ICE1: variants seen among roughly 807,000 people sequenced by gnomAD.
ICE1 encodes the protein interactor of little elongation complex ELL subunit 1.
In ICE1, 64 loss-of-function variants were observed where a neutral mutation model predicts 192.7. The ratio of observed to expected loss-of-function variants is 0.33; its 90% CI spans 0.27 to 0.41. The LOEUF (loss-of-function observed/expected upper bound fraction) is 0.41. Ranked by LOEUF, ICE1 falls within the 10% of genes least tolerant of loss-of-function variation. The pLI is 1.00. For missense variants in ICE1, 2,708 were observed against 2,696.0 expected, an observed-to-expected ratio of 1.00 and a Z score of -0.10; for synonymous variants, 1,010 against 984.5, an observed-to-expected ratio of 1.03 and a Z score of -0.49.
chr5:5,437,067 T>G lies in ICE1; in HGVS notation c.144-13T>G. The G allele has an allele frequency of 6.9e-7, 1 of 1,456,042 alleles. No homozygotes were observed. The highest frequency in any genetic ancestry group is 9.4e-7 in the Non-Finnish European group (1 of 1,060,050). The allele number at this position is 1,456,042 out of a possible 1,614,324, so 90.2% of individuals were successfully genotyped here. A position where few individuals can be genotyped will look rare whatever the true frequency, so the allele number is the denominator to read the frequency against. ...ATTAAAAAGTAACCTAATTTTTCTT[T>G]TCTTTTTTGCAGTAATTTGTTAACA... On this transcript the variant is annotated splice_polypyrimidine_tract_variant and intron_variant, in intron 2 of 18. Transcript: ENST00000296564.
rs1431466273 is a variant in ICE1, at chr5:5,464,026, A to T, written c.4692A>T (p.Ser1564=). ...NRSKISNKDQ[S]NKPVKTSASS... is the part of the protein sequence containing the mutation. Reference sequence around the variant, plus strand: ...CAAAGATTTCAAACAAAGATCAGTCAAACAAACCAGTAAAAACTTCAGCGT... The same window carrying T: ...CAAAGATTTCAAACAAAGATCAGTCTAACAAACCAGTAAAAACTTCAGCGT... Residue 1564 remains serine (S), a synonymous_variant, in exon 13 of 19, where the codon TCA becomes TCT. Transcript: ENST00000296564. This position sits in a 1 kb window ranked among gnomAD's most constrained non-coding sequence, Gnocchi z 4.0. 2 of 1,613,686 alleles carry T rather than the reference A, an allele frequency of 1.2e-6. No individual in the cohort carries two copies. The highest frequency in any genetic ancestry group is 3.3e-5 in the Admixed American group (2 of 59,990).
Position 5,461,736 on chromosome 5 carries a change from G to T in ICE1, c.2402G>T (p.Gly801Val), listed in dbSNP as rs554520396. 35 of 1,613,684 alleles carry T rather than the reference G, an allele frequency of 2.2e-5. No individual in the cohort carries two copies. The Middle Eastern group carries it at 6.6e-4, about 30-fold the overall frequency. ...WHHSDLLRKG[G>V]EESLRAKSEH... Reference sequence around the variant, plus strand: ...CATAGTGATTTATTAAGGAAAGGTGGCGAAGAAAGTCTGAGAGCCAAATCA... The same window carrying T: ...CATAGTGATTTATTAAGGAAAGGTGTCGAAGAAAGTCTGAGAGCCAAATCA... Residue 801 changes from glycine to valine, a missense_variant, in exon 13 of 19, where the codon GGC (glycine) becomes GTC (valine). Around this residue, in one of 2 missense-constraint regions of ICE1, gnomAD observed 2,366 missense variants for 2,276.6 expected, o/e 1.04. Transcript: ENST00000296564.
chr5:5,487,546 G>A (rs1304762635), intron 18 of ICE1, among the ~76,000 whole-genome samples: 2 of 152,170 alleles, frequency 1.3e-5, no homozygotes, highest in African/African-American at 2.4e-5. Flanking sequence ...TTAGCTTAAT[G>A]AGAACAGTGT....
At position 5,461,929 on chromosome 5, in the gene ICE1, A is replaced by G. The variant is rs1738798759; in HGVS notation, c.2595A>G (p.Thr865=). ...PNQVSVITKQ[T]RPEKVQSAKL... is the part of the protein sequence containing the mutation. ...AAGTATCAGTTATCACAAAACAGAC[A>G]AGACCTGAAAAGGTTCAGAGTGCCA... is the stretch of plus-strand genomic sequence containing the variant. Residue 865 remains threonine, a synonymous_variant, in exon 13 of 19, where the codon ACA becomes ACG. Transcript: ENST00000296564. The G allele has an allele frequency of 1.9e-6, 3 of 1,613,908 alleles. No homozygotes were observed. The highest frequency in any genetic ancestry group is 2.5e-6 in the Non-Finnish European group (3 of 1,179,896).
chr5:5,425,813 C>T (rs192583154), intron 1 of ICE1, among the ~76,000 whole-genome samples: 58 of 152,016 alleles, frequency 3.8e-4, no homozygotes, highest in Non-Finnish European at 7.6e-4. Context: ...TTTACTAATA[C>T]ATAATAGTGA....
chr5:5,447,124 C>T (rs1738251184), intron 7 of ICE1, among the ~76,000 whole-genome samples: 1 of 152,134 alleles, frequency 6.6e-6, no homozygotes, highest in African/African-American at 2.4e-5. Flanking sequence ...AATGGGACGG[C>T]AACTCCCTTT....
chr5:5,485,289 C>G (rs968301767), intron 17 of ICE1, among the ~76,000 whole-genome samples: 2 of 152,098 alleles, frequency 1.3e-5, no homozygotes, highest in African/African-American at 4.8e-5. Context: ...TGAAAGATAA[C>G]TATATTTCCA....
chr5:5,483,813 C>T (rs1242611409), intron 17 of ICE1, among the ~76,000 whole-genome samples: 1 of 152,284 alleles, frequency 6.6e-6, no homozygotes, highest in African/African-American at 2.4e-5. Context: ...CAGGTCAGAC[C>T]GAAGTAGCCA....
At chr5:5,441,550 A>G (rs777211781) in intron 5 of ICE1, among the ~76,000 whole-genome samples, 54 of 152,252 alleles carry the variant, frequency 3.5e-4, no homozygotes, top group Non-Finnish European at 7.5e-4. Context: ...AATGTAAAAT[A>G]ACATGCAAAA....
intron 7 of ICE1, 26 bp from the exon 8 acceptor site, chr5:5,447,401 T>C: frequency 7.0e-7 from 1 of 1,436,566 alleles, no homozygotes; most frequent in Non-Finnish European, 9.5e-7. Flanking sequence ...TATTTTTCTC[T>C]CCCTATTGCT....
intron 4 of ICE1, among the ~76,000 whole-genome samples, chr5:5,440,654 C>A (rs1335749137): frequency 6.6e-6 from 1 of 152,098 alleles, no homozygotes; most frequent in African/African-American, 2.4e-5. Context: ...AATTTTTATA[C>A]TATTAAAATT....
At chr5:5,434,507 G>A (rs1737812930) in intron 1 of ICE1, among the ~76,000 whole-genome samples, 1 of 152,190 alleles carries the variant, frequency 6.6e-6, no homozygotes, top group Non-Finnish European at 1.5e-5. Flanking sequence ...GTTGTAAAAT[G>A]AGCTGGTCTT....
At position 5,460,965 on chromosome 5, in the gene ICE1, T is replaced by G. The variant is rs1292776650; in HGVS notation, c.1631T>G (p.Met544Arg). 10 of 1,614,026 alleles carry G rather than the reference T, an allele frequency of 6.2e-6. No individual in the cohort carries two copies. The highest frequency in any genetic ancestry group is 5.9e-6 in the Non-Finnish European group (7 of 1,179,904). Residue 544 changes from methionine to arginine, a missense_variant, in exon 13 of 19, where the codon ATG becomes AGG. This residue lies in a region of ICE1 where 2,366 missense variants were observed against 2,276.6 expected (regional missense o/e 1.04). Transcript: ENST00000296564. Reference sequence around the variant, plus strand: ...GGCAAAAGGCCATTAAATGAACTCATGGAATCTGAAGGAAAAACCGTATTG... The same window carrying G: ...GGCAAAAGGCCATTAAATGAACTCAGGGAATCTGAAGGAAAAACCGTATTG... The part of the protein sequence containing the change: ...PLGKRPLNEL[M>R]ESEGKTVLSK...
At chr5:5,442,645 ACT>A (rs1410551814) in intron 5 of ICE1, among the ~76,000 whole-genome samples, 1 of 152,018 alleles carries the variant, frequency 6.6e-6, no homozygotes, top group African/African-American at 2.4e-5. Context: ...AGATTAAAGA[ACT>A]CTCTCAGAGC....
chr5:5,483,662 C>T (rs2111406516), intron 17 of ICE1, among the ~76,000 whole-genome samples: 1 of 152,252 alleles, frequency 6.6e-6, no homozygotes, highest in East Asian at 1.9e-4. Flanking sequence ...ATTTGCCTAC[C>T]ACTGGATTCA....
At position 5,461,646 on chromosome 5, in the gene ICE1, T is replaced by C. The variant is rs1367318147; in HGVS notation, c.2312T>C (p.Leu771Ser). Residue 771 changes from leucine (L) to serine (S), a missense_variant, in exon 13 of 19, where the codon TTA becomes TCA. Around this residue, in one of 2 missense-constraint regions of ICE1, gnomAD observed 2,366 missense variants for 2,276.6 expected, o/e 1.04. Transcript: ENST00000296564. ...CTAAATAAGCCAGATTTCACATCAT[T>C]AATAGGTTCTCAGGCTGCCTTGATC... ...LTLNKPDFTS[L>S]IGSQAALIKS... The C allele has an allele frequency of 5.0e-6, 8 of 1,613,590 alleles. No individual in the cohort carries two copies. The highest frequency in any genetic ancestry group is 6.8e-6 in the Non-Finnish European group (8 of 1,179,800).
intron 10 of ICE1, among the ~76,000 whole-genome samples, chr5:5,452,707 A>G (rs1259489642): frequency 6.6e-6 from 1 of 152,194 alleles, no homozygotes; most frequent in Non-Finnish European, 1.5e-5. Flanking sequence ...CAATTTTTCA[A>G]CAGGAGAAAA....
intron 17 of ICE1, among the ~76,000 whole-genome samples, chr5:5,479,925 G>T (rs1395321311): frequency 6.6e-6 from 1 of 152,058 alleles, no homozygotes; most frequent in African/African-American, 2.4e-5. Context: ...ATCACACACT[G>T]GGGCCTGTCG....
chr5:5,466,115 AACAG>A (rs1032328948), intron 13 of ICE1, among the ~76,000 whole-genome samples: 21 of 152,170 alleles, frequency 1.4e-4, no homozygotes, highest in African/African-American at 5.1e-4. Flanking sequence ...AGCCATAGGA[AACAG>A]ACAGGCGTGG....
Sources: allele counts gnomAD v4.1 joint callset (sites outside exome capture counted in the v4.1 genomes callset), GRCh38; gene constraint gnomAD v4.1.1; regional missense constraint gnomAD v4.1.1; non-coding constraint Gnocchi (gnomAD v3.1); transcripts MANE v1.5; gene names NCBI Gene and HGNC (gene_info 2026-07-23, HGNC 2026-07-21).